BABAM1: variants seen among roughly 807,000 people sequenced by gnomAD.
BABAM1 encodes BRISC and BRCA1-A complex member 1.
BABAM1 carries 14 observed loss-of-function variants against 34.4 expected under a neutral mutation model. The ratio of observed to expected loss-of-function variants is 0.41; its 90% CI spans 0.27 to 0.64. BABAM1 has a LOEUF of 0.64. BABAM1 is among the 30% of genes least tolerant of loss of function. BABAM1 has a pLI of 0.34. For synonymous variants in BABAM1, 169 were observed against 165.8 expected, an observed-to-expected ratio of 1.02 and a Z score of -0.15; for missense variants, 393 against 434.0, an observed-to-expected ratio of 0.91 and a Z score of 0.84.
In BABAM1 at chr19:17,269,210, C is replaced by T. The variant is rs370774211; in HGVS notation, c.285+119C>T. 363 of 1,248,992 alleles carry T rather than the reference C, an allele frequency of 2.9e-4. 3 individuals are homozygous for T. In the South Asian group the frequency reaches 4.7e-3, roughly 16 times the overall value. 77.4% of individuals were successfully genotyped at this position (1,248,992 alleles called of 1,614,324 possible). Reference sequence around the variant, plus strand: ...GTTACCTGTGGCTGCCACAAGTCACCGTGGACTTGGTAGCTTTCAACAAGA... The same window carrying T: ...GTTACCTGTGGCTGCCACAAGTCACTGTGGACTTGGTAGCTTTCAACAAGA... On this transcript the variant is annotated intron_variant, in intron 2 of 8. Transcript: ENST00000598188.
chr19:17,276,236 G>C (rs1262815881), intron 6 of BABAM1: 36 of 547,146 alleles, frequency 6.6e-5, no homozygotes, highest in Non-Finnish European at 6.2e-5. Flanking sequence ...TTGAGAGGCC[G>C]AGGCAGGAGA....
In BABAM1 at chr19:17,275,794, C is replaced by T. The variant is rs370892417; in HGVS notation, c.545-7C>T. ...TCTACTAGCCTTCTCCTTAGCACCCCCACCAGATCTGGAAGGACTTTTCAG... is the reference window on the plus strand; with the variant it reads ...TCTACTAGCCTTCTCCTTAGCACCCTCACCAGATCTGGAAGGACTTTTCAG... On this transcript the variant is annotated splice_polypyrimidine_tract_variant and splice_region_variant and intron_variant, in intron 5 of 8. Coordinates refer to ENST00000598188, the MANE Select transcript of BABAM1 (RefSeq NM_014173.4). 6.2e-7 allele frequency: 1 copy of T among 1,613,824 alleles called. No homozygotes were observed.
chr19:17,274,326 T>C, intron 5 of BABAM1, 141 bp downstream of exon 5: 3 of 1,060,892 alleles, frequency 2.8e-6, no homozygotes, highest in East Asian at 2.5e-5. Flanking sequence ...GTCACCCCTC[T>C]GAGCCTCAGT....
chr19:17,274,380 G>A lies in BABAM1; in HGVS notation c.544+195G>A, dbSNP rs117408868. 3,631 of 664,008 alleles carry A rather than the reference G, an allele frequency of 5.5e-3. 21 individuals carry two copies. The highest frequency in any genetic ancestry group is 0.048 in the Middle Eastern group (115 of 2,380). The allele number at this position is 664,008 out of a possible 1,614,324, so 41.1% of individuals were successfully genotyped here. Reference sequence around the variant, plus strand: ...GAAGGCACAAAGTTGCCTACCCCATGGAGATGCTGTAACAATACAGAAGCA... The same window carrying A: ...GAAGGCACAAAGTTGCCTACCCCATAGAGATGCTGTAACAATACAGAAGCA... On this transcript the variant is annotated intron_variant, in intron 5 of 8. Coordinates refer to ENST00000598188, the MANE Select transcript of BABAM1 (RefSeq NM_014173.4).
intron 6 of BABAM1, 61 bp from the exon 7 acceptor site, chr19:17,276,434 G>T (rs2073908682): frequency 2.6e-6 from 4 of 1,554,826 alleles, no homozygotes; most frequent in Non-Finnish European, 3.5e-6. Context: ...CTCTCTCAGG[G>T]TGATAAGAGG....
intron 3 of BABAM1, among the ~76,000 whole-genome samples, chr19:17,273,564 G>GTTGTTTTT (rs2073869754): frequency 2.2e-5 from 1 of 45,940 alleles, no homozygotes; most frequent in African/African-American, 6.5e-5. Context: ...TGTTTGTTTT[G>GTTGTTTTT]TTTTTTTTTT....
chr19:17,269,873 G>A (rs571457764), intron 2 of BABAM1, among the ~76,000 whole-genome samples: 4 of 151,286 alleles, frequency 2.6e-5, no homozygotes, highest in African/African-American at 4.9e-5. Flanking sequence ...ACAGGCGCCC[G>A]CCACCATGCC....
At chr19:17,269,124 T>C (rs1555715875) in intron 2 of BABAM1, 33 bp downstream of exon 2, 1 of 1,547,976 alleles carries the variant, frequency 6.5e-7, no homozygotes, top group Non-Finnish European at 8.7e-7. Flanking sequence ...GGCTCTGAGA[T>C]GCTAGGGAAC....
Position 17,279,076 on chromosome 19 carries a change from G to C in BABAM1, c.*28G>C. Reference sequence around the variant, plus strand: ...CATCCCTGTACATCTGCACCTTCTTGTGCAAGGAAGTCCTTGGCCTAAAGC... The same window carrying C: ...CATCCCTGTACATCTGCACCTTCTTCTGCAAGGAAGTCCTTGGCCTAAAGC... On this transcript the variant is annotated 3_prime_UTR_variant, in exon 9 of 9. Coordinates refer to ENST00000598188, the MANE Select transcript of BABAM1 (RefSeq NM_014173.4). 1.3e-6 allele frequency: 2 copies of C among 1,585,576 alleles called. No homozygotes were observed. Among genetic ancestry groups the C allele is most frequent in the Non-Finnish European group, 1.7e-6 (2 of 1,162,538 alleles).
Position 17,269,992 on chromosome 19 carries a change from G to T in BABAM1, c.285+901G>T, listed in dbSNP as rs1327235915. Among the ~76,000 whole-genome samples, 4 of 150,148 alleles carry T rather than the reference G, an allele frequency of 2.7e-5. No homozygotes were observed. The East Asian group carries it at 7.9e-4, about 30-fold the overall frequency. On this transcript the variant is annotated intron_variant, in intron 2 of 8. Coordinates refer to ENST00000598188, the MANE Select transcript of BABAM1 (RefSeq NM_014173.4). ...CCAGGCTGGAGTGCAGTGCAGTGGC[G>T]CTATCTCGGCTCACTGCAAGCTCTG...
chr19:17,273,790 C>G, intron 3 of BABAM1, 114 bp from the exon 4 acceptor site: 1 of 1,362,124 alleles, frequency 7.3e-7, no homozygotes, highest in Non-Finnish European at 9.9e-7. Flanking sequence ...GTGTTGAACT[C>G]CTGACCTCGT....
In BABAM1 at chr19:17,279,137, G is replaced by A; in HGVS notation, c.*89G>A. 7.1e-7 allele frequency: 1 copy of A among 1,405,492 alleles called. No individual in the cohort carries two copies. Among genetic ancestry groups the A allele is most frequent in the Non-Finnish European group, 9.7e-7 (1 of 1,035,636 alleles). The allele number at this position is 1,405,492 out of a possible 1,614,324, so 87.1% of individuals were successfully genotyped here. A position where few individuals can be genotyped will look rare whatever the true frequency, so the allele number is the denominator to read the frequency against. On this transcript the variant is annotated 3_prime_UTR_variant, in exon 9 of 9. Coordinates refer to ENST00000598188, the MANE Select transcript of BABAM1 (RefSeq NM_014173.4). The stretch of plus-strand genomic sequence containing the variant: ...AAACTGGGTTCCTTGGGACCTCCGG[G>A]GTGGGGGGGTTCCAGGAGGCACGTA...
At chr19:17,275,851 AT>A (rs2073902138) in intron 6 of BABAM1, 26 bp downstream of exon 6, 1 of 1,607,726 alleles carries the variant, frequency 6.2e-7, no homozygotes, top group Non-Finnish European at 8.5e-7. Flanking sequence ...GGAAATTCTT[AT>A]TCACCTTCAA....
In BABAM1 at chr19:17,278,186, A is replaced by T. The variant is rs183451225; in HGVS notation, c.787-659A>T. Among the ~76,000 whole-genome samples, 638 of 152,196 alleles carry T rather than the reference A, an allele frequency of 4.2e-3. 3 individuals carry two copies. The highest frequency in any genetic ancestry group is 7.5e-3 in the Non-Finnish European group (510 of 67,998). On this transcript the variant is annotated intron_variant, in intron 8 of 8. Coordinates refer to ENST00000598188, the MANE Select transcript of BABAM1 (RefSeq NM_014173.4). ...GAAACCCTGTCTCAAAAAAAAAATT[A>T]AAAAAATAAAATAAGTAAAATAAAA...
At chr19:17,268,655 C>T in intron 1 of BABAM1, 139 bp from the exon 2 acceptor site, 1 of 930,236 alleles carries the variant, frequency 1.1e-6, no homozygotes, top group South Asian at 1.8e-5. Flanking sequence ...TCTCGAACTT[C>T]CAACCTCAGG....
chr19:17,277,199 CTTCTTTT>C, intron 8 of BABAM1: 2 of 238,036 alleles, frequency 8.4e-6, no homozygotes, highest in African/African-American at 7.0e-5. Context: ...TTTCTTTCTT[CTTCTTTT>C]TTTTTTTTTT....
rs534087678 is a variant in BABAM1 at position 17,275,299 on chromosome 19, T to TA, written c.545-502_545-501insA. Among the ~76,000 whole-genome samples the TA allele has an allele frequency of 4.2e-4, 31 of 73,072 alleles. No individual in the cohort carries two copies. The South Asian group carries it at 7.3e-3, about 17-fold the overall frequency. 47.9% of individuals were successfully genotyped at this position (73,072 alleles called of 152,430 possible). A position where few individuals can be genotyped will look rare whatever the true frequency, so the allele number is the denominator to read the frequency against. ...CCTGTGGATCTTATTTATTATTATA[T>TA]TTTTTTTTGAGATGGAGTCTCGCTC... On this transcript the variant is annotated intron_variant, in intron 5 of 8. Transcript: ENST00000598188.
Position 17,278,864 on chromosome 19 carries a change from G to T in BABAM1, c.806G>T (p.Gly269Val). ...CGGCAGGATATGTTTGCCTTCATGG[G>T]CAGCCTGGATACCAAGGGTACCAGC... ...MSWKDMFAFMGSLDTKGTSYK... is the reference protein window; with the variant it reads ...MSWKDMFAFMVSLDTKGTSYK... The change falls in exon 9 of 9, where the codon GGC (glycine) becomes GTC (valine). Residue 269 changes from glycine to valine, a missense_variant. Coordinates refer to ENST00000598188, the MANE Select transcript of BABAM1 (RefSeq NM_014173.4). 3 of 1,613,010 alleles carry T rather than the reference G, an allele frequency of 1.9e-6. No individual in the cohort carries two copies. The highest frequency in any genetic ancestry group is 2.5e-6 in the Non-Finnish European group (3 of 1,179,628).
chr19:17,276,781 G>A lies in BABAM1; in HGVS notation c.700-42G>A, dbSNP rs1257068625. ...GAGCTATAGTCATGGGGCACGGGGT[G>A]ACCCAAGCCCCAGAGGCTGGTGTTC... On this transcript the variant is annotated intron_variant, in intron 7 of 8. Transcript: ENST00000598188. 9 of 1,575,032 alleles carry A rather than the reference G, an allele frequency of 5.7e-6. No individual in the cohort carries two copies. In the African/African-American group the frequency reaches 8.1e-5, roughly 14 times the overall value.
Sources: gnomAD v4.1 joint callset for allele counts (sites outside exome capture counted in the v4.1 genomes callset) on GRCh38, gnomAD v4.1.1 for gene constraint, MANE v1.5 for transcripts, NCBI Gene and HGNC (gene_info 2026-07-23, HGNC 2026-07-21) for gene names.